The following TRIM24 variants were observed in gnomAD, a reference collection of about 807,000 sequenced individuals.
TRIM24 encodes the protein tripartite motif containing 24, also known as transcription intermediary factor 1-alpha.
Under a neutral mutation model 123.9 loss-of-function variants are expected in TRIM24, and 29 were observed. The observed-to-expected ratio is 0.23, with a 90% CI of 0.17 to 0.32. The LOEUF (loss-of-function observed/expected upper bound fraction) is 0.32. Ranked by LOEUF, TRIM24 falls within the 10% of genes least tolerant of loss-of-function variation. The probability of loss-of-function intolerance (pLI) is 1.00; values close to 1 mark genes in which losing one functional copy is unlikely to be tolerated. For missense variants in TRIM24, 932 were observed against 1,295.3 expected (o/e 0.72, Z 4.31); for synonymous variants, 456 against 461.1 (o/e 0.99, Z 0.14).
chr7:138,495,776 T>C (rs1795892770), intron 1 of TRIM24, among the ~76,000 whole-genome samples: 2 of 152,148 alleles, frequency 1.3e-5, no homozygotes, highest in African/African-American at 4.8e-5. Flanking sequence ...TGTTAGTTTC[T>C]TTTTATTCTA....
intron 1 of TRIM24, among the ~76,000 whole-genome samples, chr7:138,463,988 A>ATTTTTTTTTTTTTTTTTTTTTTTTTTTTT (rs1359459460): frequency 3.1e-5 from 1 of 32,112 alleles, no homozygotes; most frequent in African/African-American, 1.3e-4. Context: ...AAAAATTTAG[A>ATTTTTTTTTTTTTTTTTTTTTTTTTTTTT]CTTTTTTTTT....
chr7:138,557,822 C>T (rs1219503628), intron 9 of TRIM24, among the ~76,000 whole-genome samples: 1 of 152,112 alleles, frequency 6.6e-6, no homozygotes, highest in African/African-American at 2.4e-5. Flanking sequence ...CTTGCAGCGA[C>T]ATTAGTCATG....
At position 138,519,269 on chromosome 7, in the gene TRIM24, T is replaced by C; in HGVS notation, c.712T>C (p.Cys238Arg). Residue 238 changes from cysteine to arginine, a missense_variant, in exon 4 of 19, where the codon TGT becomes CGT. By Grantham distance (180) the Cys-to-Arg change is radical. Around this residue, in one of 7 missense-constraint regions of TRIM24, gnomAD observed 74 missense variants for 163.6 expected, o/e 0.45. Transcript: ENST00000343526. ...GCAGCTGAAGCTGTACTGTGAGACATGTGACAAACTGACATGTCGAGACTG... is the reference window on the plus strand; with the variant it reads ...GCAGCTGAAGCTGTACTGTGAGACACGTGACAAACTGACATGTCGAGACTG... ...KEQLKLYCETCDKLTCRDCQL... is the reference protein window; with the variant it reads ...KEQLKLYCETRDKLTCRDCQL... The C allele has an allele frequency of 6.2e-7, 1 of 1,613,796 alleles. No individual in the cohort carries two copies. Among genetic ancestry groups the C allele is most frequent in the Non-Finnish European group, 8.5e-7 (1 of 1,179,922 alleles).
At chr7:138,539,113 C>A (rs1796950232) in intron 7 of TRIM24, among the ~76,000 whole-genome samples, 2 of 152,004 alleles carry the variant, frequency 1.3e-5, no homozygotes, top group African/African-American at 4.8e-5. Context: ...GGTACTAATT[C>A]TAAGAATTTC....
chr7:138,552,435 G>A (rs1797230350), intron 8 of TRIM24, among the ~76,000 whole-genome samples: 1 of 152,158 alleles, frequency 6.6e-6, no homozygotes, highest in African/African-American at 2.4e-5. Flanking sequence ...TATTTGCTGA[G>A]TAGAAACACC....
intron 1 of TRIM24, among the ~76,000 whole-genome samples, chr7:138,496,571 G>A (rs1458782639): frequency 3.9e-5 from 6 of 152,136 alleles, no homozygotes; most frequent in Non-Finnish European, 8.8e-5. Flanking sequence ...TTCAGAGATG[G>A]TCTTTATCAG....
intron 8 of TRIM24, among the ~76,000 whole-genome samples, chr7:138,553,556 AC>A (rs1442354198): frequency 6.6e-6 from 1 of 152,192 alleles, no homozygotes; most frequent in Non-Finnish European, 1.5e-5. Flanking sequence ...TTTCAAGGGC[AC>A]CGTTAAACTC....
rs1473794298 is a variant in TRIM24 at position 138,587,408 on chromosome 7, TTAG to T, written c.*2458_*2460del. On this transcript the variant is annotated 3_prime_UTR_variant, in exon 19 of 19. Coordinates refer to ENST00000343526, the MANE Select transcript of TRIM24 (RefSeq NM_015905.3). ...GTAAATAGCCTTTGTGTAATGGTCT[TTAG>T]ATTAATATCCTTTGACTTTATTAAT... 3 of 152,172 alleles carry T rather than the reference TTAG, an allele frequency of 2.0e-5. No individual in the cohort carries two copies. The highest frequency in any genetic ancestry group is 2.9e-5 in the Non-Finnish European group (2 of 68,026). The allele number at this position is 152,172 out of a possible 1,614,324, so 9.4% of individuals were successfully genotyped here.
chr7:138,507,331 T>C (rs1029850785), intron 2 of TRIM24, among the ~76,000 whole-genome samples: 1 of 152,022 alleles, frequency 6.6e-6, no homozygotes, highest in African/African-American at 2.4e-5. Context: ...TTGATGTTTA[T>C]TCCAGCCATT....
At chr7:138,479,562 G>T (rs566442779) in intron 1 of TRIM24, among the ~76,000 whole-genome samples, 1 of 152,170 alleles carries the variant, frequency 6.6e-6, no homozygotes, top group East Asian at 1.9e-4. Context: ...GCCCAGGCTG[G>T]AGTGCAGTGG....
At chr7:138,505,866 G>C (rs1796142256) in intron 2 of TRIM24, among the ~76,000 whole-genome samples, 1 of 152,102 alleles carries the variant, frequency 6.6e-6, no homozygotes, top group Admixed American at 6.5e-5. Flanking sequence ...ACTCCAGTGG[G>C]GGTTAGCCAT....
At chr7:138,497,393 C>CTTTTTTTTTTTTTTTTT (rs869232002) in intron 1 of TRIM24, among the ~76,000 whole-genome samples, 1 of 88,338 alleles carries the variant, frequency 1.1e-5, no homozygotes, top group African/African-American at 4.6e-5. Flanking sequence ...ATTACAATTT[C>CTTTTTTTTTTTTTTTTT]TTTTTTTTTT....
rs990159997 is a variant in TRIM24, at chr7:138,587,896, G to T, written c.*2945G>T. ...CATATTCAACGCAGAATACATTTTA[G>T]ATCGGTATCTGGCATTGTAATCATT... is the stretch of plus-strand genomic sequence containing the variant. On this transcript the variant is annotated 3_prime_UTR_variant, in exon 19 of 19. Coordinates refer to ENST00000343526, the MANE Select transcript of TRIM24 (RefSeq NM_015905.3). 1 of 152,198 alleles carries T rather than the reference G, an allele frequency of 6.6e-6. No individual in the cohort carries two copies. The allele number at this position is 152,198 out of a possible 1,614,324, so 9.4% of individuals were successfully genotyped here.
intron 4 of TRIM24, among the ~76,000 whole-genome samples, chr7:138,522,008 T>TGCTA (rs1563044483): frequency 1.3e-5 from 2 of 152,070 alleles, no homozygotes; most frequent in Non-Finnish European, 2.9e-5. Context: ...TGCCTGTAAG[T>TGCTA]GCTAGCTACC....
intron 14 of TRIM24, among the ~76,000 whole-genome samples, chr7:138,577,943 A>G (rs1218375974): frequency 6.6e-6 from 1 of 152,220 alleles, no homozygotes; most frequent in African/African-American, 2.4e-5. Context: ...ATACTTGATA[A>G]TATGAATCAT....
chr7:138,579,196 TACTACAGG>T lies in TRIM24; in HGVS notation c.2257-7_2257del. The T allele has an allele frequency of 6.5e-7, 1 of 1,546,796 alleles. No homozygotes were observed. Among genetic ancestry groups the T allele is most frequent in the Non-Finnish European group, 8.7e-7 (1 of 1,150,192 alleles). On this transcript the variant is annotated splice_acceptor_variant and splice_polypyrimidine_tract_variant and coding_sequence_variant and intron_variant, in exon 15 of 19. Coordinates refer to ENST00000343526, the MANE Select transcript of TRIM24 (RefSeq NM_015905.3). LOFTEE classifies it high-confidence loss of function. ...AAGCCAGTTAAATATATTTTTTTTC[TACTACAGG>T]CCAATTATCCAAGAAGCATACTCAC...
chr7:138,555,077 T>C, intron 9 of TRIM24, 111 bp downstream of exon 9: 2 of 1,163,250 alleles, frequency 1.7e-6, no homozygotes, highest in Admixed American at 2.5e-5. Flanking sequence ...TCTGCATTTA[T>C]AAAAATTTAT....
chr7:138,586,274 T>A lies in TRIM24; in HGVS notation c.*1323T>A, dbSNP rs938062476. ...ATGGTTTGCCGAAGTTAATCTGTAT[T>A]TATAAAACATTAACTGGAGTAAATT... On this transcript the variant is annotated 3_prime_UTR_variant, in exon 19 of 19. Transcript: ENST00000343526. 4 of 167,222 alleles carry A rather than the reference T, an allele frequency of 2.4e-5. No individual in the cohort carries two copies. The highest frequency in any genetic ancestry group is 2.3e-4 in the Admixed American group (4 of 17,154). The allele number at this position is 167,222 out of a possible 1,614,324, so 10.4% of individuals were successfully genotyped here. A position where few individuals can be genotyped will look rare whatever the true frequency, so the allele number is the denominator to read the frequency against.
intron 7 of TRIM24, among the ~76,000 whole-genome samples, chr7:138,545,708 G>A (rs1447857648): frequency 1.3e-5 from 2 of 152,086 alleles, no homozygotes; most frequent in Non-Finnish European, 2.9e-5. Context: ...CAAAGAAAGG[G>A]GGGGAAAGTA....
Sources: gnomAD v4.1 joint callset for allele counts (sites outside exome capture counted in the v4.1 genomes callset) on GRCh38, gnomAD v4.1.1 for gene constraint, gnomAD v4.1.1 regional missense constraint, MANE v1.5 for transcripts, NCBI Gene and HGNC (gene_info 2026-07-23, HGNC 2026-07-21) for gene names.